PELI3: variants seen among roughly 807,000 people sequenced by gnomAD.
PELI3 encodes pellino E3 ubiquitin protein ligase family member 3.
In PELI3, 19 loss-of-function variants were observed where a neutral mutation model predicts 35.5. The ratio of observed to expected loss-of-function variants is 0.54; its 90% CI spans 0.37 to 0.79. The LOEUF (loss-of-function observed/expected upper bound fraction) is 0.79. Ranked by LOEUF, PELI3 falls within the 30% of genes least tolerant of loss-of-function variation. The probability of loss-of-function intolerance (pLI) is 0.00; values close to 1 mark genes in which losing one functional copy is unlikely to be tolerated. For synonymous variants in PELI3, 262 were observed against 279.2 expected (o/e 0.94, Z 0.62); for missense variants, 490 against 661.2 (o/e 0.74, Z 2.84).
At position 66,476,172 on chromosome 11, in the gene PELI3, C is replaced by T. The variant is rs1854914338; in HGVS notation, c.*5C>T. On this transcript the variant is annotated 3_prime_UTR_variant, in exon 8 of 8. Coordinates refer to ENST00000320740, the MANE Select transcript of PELI3 (RefSeq NM_145065.3). ...TTCCAGGGCCCGCTGGATTAGGCTC[C>T]CTGGGGCCCCCTGCTGCTGTGCCCA... The T allele has an allele frequency of 6.5e-7, 1 of 1,535,834 alleles. No individual in the cohort carries two copies. Among genetic ancestry groups the T allele is most frequent in the Non-Finnish European group, 8.7e-7 (1 of 1,146,374 alleles).
intron 2 of PELI3, among the ~76,000 whole-genome samples, 196 bp from the exon 3 acceptor site, chr11:66,468,637 T>A (rs1318694915): frequency 6.6e-6 from 1 of 152,236 alleles, no homozygotes; most frequent in East Asian, 1.9e-4. Context: ...GTTGCTGAAC[T>A]TCCCTGTGCC....
chr11:66,473,829 C>G lies in PELI3; in HGVS notation c.744C>G (p.Ser248=). The change falls in exon 7 of 8, where the codon TCC becomes TCG. Residue 248 remains serine (S), a synonymous_variant. Transcript: ENST00000320740. This position sits in a 1 kb window ranked among gnomAD's most constrained non-coding sequence, Gnocchi z 5.8. ...VLVMHPAGGF[S]EDSAPGVWRE... ...TGATGCACCCGGCAGGCGGCTTCTC[C>G]GAGGACTCAGCCCCGGGTGTCTGGC... 6.2e-7 allele frequency: 1 copy of G among 1,613,872 alleles called. No individual in the cohort carries two copies. The highest frequency in any genetic ancestry group is 1.1e-5 in the South Asian group (1 of 91,086).
At chr11:66,470,253 C>T (rs1164327163) in intron 3 of PELI3, among the ~76,000 whole-genome samples, 1 of 152,182 alleles carries the variant, frequency 6.6e-6, no homozygotes, top group Non-Finnish European at 1.5e-5. Context: ...TCAGAGCCCT[C>T]CCACCAGTGT....
Position 66,473,814 on chromosome 11 carries a change from G to C in PELI3, c.729G>C (p.Pro243=). 6.2e-7 allele frequency: 1 copy of C among 1,613,910 alleles called. No individual in the cohort carries two copies. The highest frequency in any genetic ancestry group is 8.5e-7 in the Non-Finnish European group (1 of 1,180,008). ...LTTNGVLVMH[P]AGGFSEDSAP... is the part of the protein sequence containing the mutation. Reference sequence around the variant, plus strand: ...CCAATGGAGTCCTGGTGATGCACCCGGCAGGCGGCTTCTCCGAGGACTCAG... The same window carrying C: ...CCAATGGAGTCCTGGTGATGCACCCCGCAGGCGGCTTCTCCGAGGACTCAG... The change falls in exon 7 of 8, where the codon CCG becomes CCC. Residue 243 remains proline, a synonymous_variant. Transcript: ENST00000320740. This position sits in a 1 kb window ranked among gnomAD's most constrained non-coding sequence, Gnocchi z 5.8.
chr11:66,469,699 C>G (rs553668905), intron 3 of PELI3, among the ~76,000 whole-genome samples: 1 of 152,140 alleles, frequency 6.6e-6, no homozygotes, highest in Non-Finnish European at 1.5e-5. Flanking sequence ...GGCTGCATAT[C>G]AGAGCTGGCT....
chr11:66,476,214 C>T lies in PELI3; in HGVS notation c.*47C>T. On this transcript the variant is annotated 3_prime_UTR_variant, in exon 8 of 8. Coordinates refer to ENST00000320740, the MANE Select transcript of PELI3 (RefSeq NM_145065.3). ...CTGTGCCCACCTGCCCACCCAGGTC[C>T]CCACCTCCTGCAGCCCAGAGGGAGC... The T allele has an allele frequency of 6.7e-7, 1 of 1,497,208 alleles. No individual in the cohort carries two copies. The highest frequency in any genetic ancestry group is 2.1e-5 in the Admixed American group (1 of 47,584). 92.7% of individuals were successfully genotyped at this position (1,497,208 alleles called of 1,614,324 possible).
chr11:66,468,202 C>G lies in PELI3; in HGVS notation c.74C>G (p.Ser25Cys). 1 of 1,606,708 alleles carries G rather than the reference C, an allele frequency of 6.2e-7. No individual in the cohort carries two copies. Among genetic ancestry groups the G allele is most frequent in the Admixed American group, 1.7e-5 (1 of 59,250 alleles). Residue 25 changes from serine to cysteine, a missense_variant, in exon 2 of 8, where the codon TCT becomes TGT. Transcript: ENST00000320740. ...SDLQHRGNKG[S>C]CVLSSPGEDA... ...CTCCAGCACCGGGGGAACAAGGGCT[C>G]TTGCGTTCTCTCCTCTCCCGGTGAA...
rs1590718445 is a variant in PELI3 at position 66,471,225 on chromosome 11, A to C, written c.225-17A>C. On this transcript the variant is annotated splice_polypyrimidine_tract_variant and intron_variant, in intron 3 of 7. Transcript: ENST00000320740. ...CTCCTCTTGCAACCCCTTCTTCTTA[A>C]CCCCCGACATCTACAGCTACAATGG... is the stretch of plus-strand genomic sequence containing the variant. 1 of 1,602,480 alleles carries C rather than the reference A, an allele frequency of 6.2e-7. No homozygotes were observed. Among genetic ancestry groups the C allele is most frequent in the Non-Finnish European group, 8.5e-7 (1 of 1,171,618 alleles).
intron 3 of PELI3, among the ~76,000 whole-genome samples, 160 bp downstream of exon 3, chr11:66,469,064 T>G: frequency 6.6e-6 from 1 of 152,190 alleles, no homozygotes; most frequent in East Asian, 1.9e-4. Context: ...CATCCCTTCC[T>G]GGTCTTTGCC....
At chr11:66,468,360 C>G in intron 2 of PELI3, 80 bp downstream of exon 2, 1 of 1,340,378 alleles carries the variant, frequency 7.5e-7, no homozygotes, top group Non-Finnish European at 9.8e-7. Context: ...ACCCCTCCTC[C>G]CCCCACATAG....
At chr11:66,472,844 C>G (rs935458948) in intron 5 of PELI3, among the ~76,000 whole-genome samples, 1 of 152,196 alleles carries the variant, frequency 6.6e-6, no homozygotes, top group Non-Finnish European at 1.5e-5. Flanking sequence ...ACCCACCCCA[C>G]GGGAAGATTA....
At chr11:66,472,263 C>G (rs941473514) in intron 4 of PELI3, 106 bp from the exon 5 acceptor site, 5 of 780,502 alleles carry the variant, frequency 6.4e-6, no homozygotes, top group Admixed American at 5.7e-5. Flanking sequence ...TGGAGCTGCC[C>G]CCTTCCCAGG....
chr11:66,471,206 T>C, intron 3 of PELI3, 36 bp from the exon 4 acceptor site: 1 of 1,587,134 alleles, frequency 6.3e-7, no homozygotes, highest in Non-Finnish European at 8.6e-7. Flanking sequence ...CTCTCTCCTC[T>C]TGCAACCCCT....
chr11:66,468,739 C>T (rs1024104116), intron 2 of PELI3, 94 bp from the exon 3 acceptor site: 4 of 672,084 alleles, frequency 6.0e-6, no homozygotes, highest in Admixed American at 4.2e-5. Context: ...CTGTAAAGTA[C>T]ATAGAACAGC....
At chr11:66,468,016 G>A in intron 1 of PELI3, 112 bp from the exon 2 acceptor site, 10 of 1,344,862 alleles carry the variant, frequency 7.4e-6, no homozygotes, top group African/African-American at 1.5e-5. Context: ...AGTAGAGGCG[G>A]TGAAAGGTCA....
At position 66,475,968 on chromosome 11, in the gene PELI3, T is replaced by A; in HGVS notation, c.1211T>A (p.Leu404His). ...VPLWLGQEAG[L>H]CLDPGPPSHA... is the part of the protein sequence containing the mutation. Reference sequence around the variant, plus strand: ...CTATGGCTTGGCCAGGAGGCCGGCCTCTGCCTGGACCCTGGGCCGCCTAGC... The same window carrying A: ...CTATGGCTTGGCCAGGAGGCCGGCCACTGCCTGGACCCTGGGCCGCCTAGC... Residue 404 changes from leucine (L) to histidine (H), a missense_variant, in exon 8 of 8, where the codon CTC (leucine) becomes CAC (histidine). Physicochemically the swap from Leu to His is moderately conservative, Grantham distance 99 (BLOSUM62 -3). Around this residue, in one of 3 missense-constraint regions of PELI3, gnomAD observed 349 missense variants for 484.8 expected, o/e 0.72. Transcript: ENST00000320740. 1.2e-6 allele frequency: 2 copies of A among 1,611,842 alleles called. No individual in the cohort carries two copies. The highest frequency in any genetic ancestry group is 1.7e-6 in the Non-Finnish European group (2 of 1,179,696).
intron 7 of PELI3, chr11:66,474,240 C>T (rs1283277481): frequency 1.2e-5 from 7 of 603,776 alleles, no homozygotes; most frequent in Non-Finnish European, 2.1e-5. Context: ...AAAAAAATCA[C>T]ACCTTCTTAT....
Position 66,475,756 on chromosome 11 carries a change from C to A in PELI3, c.999C>A (p.Pro333=), listed in dbSNP as rs372697971. The part of the protein sequence containing the change: ...QEANAARPQC[P]VGLSTLAFPS... ...CAAATGCAGCGCGGCCCCAGTGCCC[C>A]GTGGGCCTCAGCACTCTGGCCTTCC... The change falls in exon 8 of 8, where the codon CCC becomes CCA. Residue 333 remains proline, a synonymous_variant. Transcript: ENST00000320740. 1 of 1,610,720 alleles carries A rather than the reference C, an allele frequency of 6.2e-7. No homozygotes were observed. The highest frequency in any genetic ancestry group is 8.5e-7 in the Non-Finnish European group (1 of 1,179,152).
Position 66,468,116 on chromosome 11 carries a change from C to A in PELI3, c.-1-12C>A. 6.3e-7 allele frequency: 1 copy of A among 1,589,692 alleles called. No individual in the cohort carries two copies. Among genetic ancestry groups the A allele is most frequent in the Non-Finnish European group, 8.6e-7 (1 of 1,166,632 alleles). On this transcript the variant is annotated splice_polypyrimidine_tract_variant and intron_variant, in intron 1 of 7. Transcript: ENST00000320740. ...GAACCTACAAAGCTCTTTTCTCTCC[C>A]ACTCTGCCCAGAATGGTGCTGGAAG...
Sources: allele counts gnomAD v4.1 joint callset (sites outside exome capture counted in the v4.1 genomes callset), GRCh38; gene constraint gnomAD v4.1.1; regional missense constraint gnomAD v4.1.1; non-coding constraint Gnocchi (gnomAD v3.1); transcripts MANE v1.5; gene names NCBI Gene and HGNC (gene_info 2026-07-23, HGNC 2026-07-21).